The following CDK19 variants were observed in gnomAD, a reference collection of about 807,000 sequenced individuals.
CDK19 encodes the protein cyclin-dependent kinase 19.
Under a neutral mutation model 68.3 loss-of-function variants are expected in CDK19, and 20 were observed. The ratio of observed to expected loss-of-function variants is 0.29; its 90% CI spans 0.21 to 0.43. The LOEUF (loss-of-function observed/expected upper bound fraction) is 0.43, where lower values mean the gene tolerates loss of function less well. Ranked by LOEUF, CDK19 falls within the 20% of genes least tolerant of loss-of-function variation. The pLI, the probability that CDK19 is intolerant of heterozygous loss-of-function variation, is 1.00. For missense variants in CDK19, 339 were observed against 623.5 expected (o/e 0.54, Z 4.86); for synonymous variants, 221 against 222.8 (o/e 0.99, Z 0.07).
At chr6:110,808,786 T>A (rs1005739101) in intron 1 of CDK19, among the ~76,000 whole-genome samples, 2 of 152,218 alleles carry the variant, frequency 1.3e-5, no homozygotes, top group Admixed American at 1.3e-4. Context: ...TAAGCATCTC[T>A]ATAAAATAGC....
chr6:110,794,078 C>T (rs1170874751), intron 1 of CDK19, among the ~76,000 whole-genome samples: 1 of 152,154 alleles, frequency 6.6e-6, no homozygotes, highest in East Asian at 1.9e-4. Flanking sequence ...TGGAGTCTCG[C>T]TCTGTCACCC....
intron 4 of CDK19, chr6:110,643,277 T>C: frequency 1.0e-6 from 1 of 974,432 alleles, no homozygotes; most frequent in Non-Finnish European, 1.4e-6. Flanking sequence ...AAATCCATGC[T>C]ATTTAAAAGA....
intron 12 of CDK19, among the ~76,000 whole-genome samples, chr6:110,616,341 A>G (rs1339222088): frequency 3.3e-5 from 5 of 152,184 alleles, no homozygotes; most frequent in South Asian, 2.1e-4. Context: ...CTGGTCCAAG[A>G]TAACAGGGCA....
intron 4 of CDK19, among the ~76,000 whole-genome samples, chr6:110,657,093 CTT>C (rs1329457861): frequency 6.6e-6 from 1 of 152,182 alleles, no homozygotes; most frequent in Non-Finnish European, 1.5e-5. Flanking sequence ...ACTGAGCTCT[CTT>C]GTTTTACTGA....
chr6:110,726,325 C>T (rs911065593), intron 2 of CDK19, among the ~76,000 whole-genome samples: 27 of 152,122 alleles, frequency 1.8e-4, no homozygotes, highest in African/African-American at 4.8e-5. Context: ...TTACCAGGTC[C>T]TTGTCCCAGA....
intron 2 of CDK19, among the ~76,000 whole-genome samples, chr6:110,684,638 C>T (rs1772301470): frequency 1.3e-5 from 2 of 152,004 alleles, no homozygotes; most frequent in African/African-American, 4.8e-5. Flanking sequence ...ATGGAGAATC[C>T]CAAATCTCAA....
chr6:110,757,185 G>T (rs1267431818), intron 1 of CDK19, among the ~76,000 whole-genome samples: 1 of 152,176 alleles, frequency 6.6e-6, no homozygotes, highest in South Asian at 2.1e-4. Context: ...GGTTGCCAAA[G>T]AATTTAGAGG....
intron 2 of CDK19, among the ~76,000 whole-genome samples, chr6:110,713,338 A>G (rs879540859): frequency 3.3e-5 from 5 of 151,640 alleles, no homozygotes; most frequent in Non-Finnish European, 7.4e-5. Flanking sequence ...AGGCTGAGGC[A>G]GGACAATGGC....
chr6:110,617,485 A>G (rs1400695402), intron 12 of CDK19, among the ~76,000 whole-genome samples: 1 of 151,958 alleles, frequency 6.6e-6, no homozygotes, highest in Non-Finnish European at 1.5e-5. Flanking sequence ...CCTAAACCAT[A>G]AAAATGGACA....
At chr6:110,714,040 AT>A (rs539243606) in intron 2 of CDK19, among the ~76,000 whole-genome samples, 263 of 152,290 alleles carry the variant, frequency 1.7e-3, no homozygotes, top group Non-Finnish European at 3.1e-3. Context: ...ATTCCAGAAC[AT>A]TTTTATCACC....
At chr6:110,728,914 C>T (rs1342106617) in intron 2 of CDK19, among the ~76,000 whole-genome samples, 1 of 152,140 alleles carries the variant, frequency 6.6e-6, no homozygotes, top group Non-Finnish European at 1.5e-5. Flanking sequence ...CTAGCTTTTC[C>T]TTAGCTCTTA....
Position 110,612,535 on chromosome 6 carries a change from TAAGGAC to T in CDK19, c.*1994_*1999del, listed in dbSNP as rs1274295594. On this transcript the variant is annotated 3_prime_UTR_variant, in exon 13 of 13. Coordinates refer to ENST00000368911, the MANE Select transcript of CDK19 (RefSeq NM_015076.5). ...TTACTGTCACAGATCACAAGCTCCT[TAAGGAC>T]AAGAAGTATGCCCTGTCCTCTGTGT... 6.6e-6 allele frequency: 1 copy of T among 152,304 alleles called. No individual in the cohort carries two copies. Among genetic ancestry groups the T allele is most frequent in the Non-Finnish European group, 1.5e-5 (1 of 68,024 alleles). 9.4% of individuals were successfully genotyped at this position (152,304 alleles called of 1,614,324 possible). A position where few individuals can be genotyped will look rare whatever the true frequency, so the allele number is the denominator to read the frequency against.
intron 1 of CDK19, 36 bp downstream of exon 1, chr6:110,814,973 C>A: frequency 6.3e-7 from 1 of 1,597,330 alleles, no homozygotes; most frequent in Non-Finnish European, 8.5e-7. Flanking sequence ...AGGGCGAGGA[C>A]CCGAGCGAGC....
At chr6:110,682,538 C>T (rs1772107465) in intron 2 of CDK19, among the ~76,000 whole-genome samples, 1 of 152,108 alleles carries the variant, frequency 6.6e-6, no homozygotes, top group Non-Finnish European at 1.5e-5. Context: ...GGCACTCATA[C>T]TCTGAAAAGG....
chr6:110,619,635 A>T (rs1041387572), intron 12 of CDK19, among the ~76,000 whole-genome samples: 1 of 151,774 alleles, frequency 6.6e-6, no homozygotes, highest in Non-Finnish European at 1.5e-5. Context: ...TTAAAAGCTT[A>T]TTACCCAGGC....
chr6:110,637,138 T>C (rs1779831844), intron 5 of CDK19, among the ~76,000 whole-genome samples: 1 of 152,228 alleles, frequency 6.6e-6, no homozygotes, highest in African/African-American at 2.4e-5. Context: ...GGTGGTTGTG[T>C]AAAATAAATG....
In CDK19 at chr6:110,815,146, C is replaced by T. The variant is rs2115185940; in HGVS notation, c.-10G>A. The T allele has an allele frequency of 6.3e-7, 1 of 1,587,152 alleles. No individual in the cohort carries two copies. The highest frequency in any genetic ancestry group is 1.1e-5 in the South Asian group (1 of 88,206). On this transcript the variant is annotated 5_prime_UTR_variant, in exon 1 of 13. Transcript: ENST00000368911. ...TGAAATCATAATCCATTGTCTGCTT[C>T]CCCCATAGAGGCACGGGACGCGGGG... is the stretch of plus-strand genomic sequence containing the variant.
intron 1 of CDK19, among the ~76,000 whole-genome samples, chr6:110,773,239 G>A (rs933755865): frequency 6.6e-6 from 1 of 151,862 alleles, no homozygotes; most frequent in East Asian, 1.9e-4. Context: ...CAGCTACTTG[G>A]GAGGCTGAGG....
intron 1 of CDK19, among the ~76,000 whole-genome samples, chr6:110,811,597 G>A (rs1783106103): frequency 6.6e-6 from 1 of 152,006 alleles, no homozygotes; most frequent in African/African-American, 2.4e-5. Context: ...ATTTTTAAAT[G>A]TTTCTAACTG....
Sources: gnomAD v4.1 joint callset for allele counts (sites outside exome capture counted in the v4.1 genomes callset) on GRCh38, gnomAD v4.1.1 for gene constraint, MANE v1.5 for transcripts, NCBI Gene and HGNC (gene_info 2026-07-23, HGNC 2026-07-21) for gene names.